Variants in RHEX observed in about 807,000 individuals in gnomAD.
RHEX encodes the protein regulator of hemoglobinization and erythroid cell expansion, also known as regulator of hemoglobinization and erythroid cell expansion protein.
Under a neutral mutation model 20.1 loss-of-function variants are expected in RHEX, and 18 were observed. The observed-to-expected ratio is 0.90, with a 90% CI of 0.62 to 1.33. RHEX has a LOEUF of 1.33. RHEX is among the 40% of genes most tolerant of loss of function. RHEX has a pLI of 0.00. For missense variants in RHEX, 192 were observed against 214.3 expected (o/e 0.90, Z 0.65); for synonymous variants, 87 against 77.1 (o/e 1.13, Z -0.67).
Position 206,067,352 on chromosome 1 carries a change from G to A in RHEX, c.-97+14087G>A, listed in dbSNP as rs1290629550. On this transcript the variant is annotated intron_variant, in intron 1 of 5. Coordinates refer to ENST00000331555, the MANE Select transcript of RHEX (RefSeq NM_001007544.4). This position sits in a 1 kb window ranked among gnomAD's most constrained non-coding sequence, Gnocchi z 4.6. ...CATCCTAGGAGATTTTAGTGGCAAT[G>A]TAGATAGTTCTTCCTAGCTCTGAGC... Among the ~76,000 whole-genome samples, 4 of 152,142 alleles carry A rather than the reference G, an allele frequency of 2.6e-5. No homozygotes were observed. The highest frequency in any genetic ancestry group is 9.7e-5 in the African/African-American group (4 of 41,420).
chr1:206,076,233 C>A (rs1301070243), intron 1 of RHEX, among the ~76,000 whole-genome samples: 2 of 151,930 alleles, frequency 1.3e-5, no homozygotes, highest in Non-Finnish European at 2.9e-5. Context: ...CAGCTCACTG[C>A]AGCCTCAAAC....
At position 206,101,754 on chromosome 1, in the gene RHEX, C is replaced by T. The variant is rs782771050; in HGVS notation, c.321C>T (p.Ala107=). 1 of 1,611,942 alleles carries T rather than the reference C, an allele frequency of 6.2e-7. No individual in the cohort carries two copies. Among genetic ancestry groups the T allele is most frequent in the Admixed American group, 1.7e-5 (1 of 59,898 alleles). ...CATGTCTCTGCTTTTCTCCTAAGGC[C>T]ACAGAGGATGTGGATTACACACAAG... ...SSCSSPPACQ[A]TEDVDYTQVV... The change falls in exon 6 of 6, where the codon GCC becomes GCT. Residue 107 remains alanine (A), a splice_region_variant and synonymous_variant. Transcript: ENST00000331555.
rs554798959 is a variant in RHEX, at chr1:206,101,804, T to C, written c.371T>C (p.Leu124Pro). Reference protein sequence around the residue: ...TQVVFSDPGELKNDSPLDYEN... With the variant: ...TQVVFSDPGEPKNDSPLDYEN... ...GTCGTCTTTTCTGACCCTGGAGAAC[T>C]AAAAAATGACTCCCCGCTGGACTAT... The change falls in exon 6 of 6, where the codon CTA (leucine) becomes CCA (proline). Residue 124 changes from leucine to proline, a missense_variant. By Grantham distance (98) the Leu-to-Pro change is moderately conservative (BLOSUM62 -3). Transcript: ENST00000331555. The C allele has an allele frequency of 6.8e-6, 11 of 1,613,944 alleles. No individual in the cohort carries two copies. In the Admixed American group the frequency reaches 1.8e-4, roughly 27 times the overall value.
intron 1 of RHEX, among the ~76,000 whole-genome samples, chr1:206,075,182 G>A (rs547411938): frequency 1.3e-5 from 2 of 152,364 alleles, no homozygotes; most frequent in South Asian, 2.1e-4. Context: ...GTGTAAGTGT[G>A]TAGCATCTTG....
intron 1 of RHEX, among the ~76,000 whole-genome samples, chr1:206,068,800 CAGAT>C (rs1662476442): frequency 6.6e-6 from 1 of 152,188 alleles, no homozygotes; most frequent in South Asian, 2.1e-4. Flanking sequence ...TGTGAATATC[CAGAT>C]AGTATTCTTC....
rs1258404889 is a variant in RHEX, at chr1:206,101,770, T to G, written c.337T>G (p.Tyr113Asp). 1.2e-6 allele frequency: 2 copies of G among 1,613,452 alleles called. No individual in the cohort carries two copies. Among genetic ancestry groups the G allele is most frequent in the Non-Finnish European group, 1.7e-6 (2 of 1,179,868 alleles). ...TCCTAAGGCCACAGAGGATGTGGAT[T>G]ACACACAAGTCGTCTTTTCTGACCC... ...PACQATEDVDYTQVVFSDPGE... is the reference protein window; with the variant it reads ...PACQATEDVDDTQVVFSDPGE... The change falls in exon 6 of 6, where the codon TAC (tyrosine) becomes GAC (aspartate). Residue 113 changes from tyrosine (Y) to aspartate (D), a missense_variant. Coordinates refer to ENST00000331555, the MANE Select transcript of RHEX (RefSeq NM_001007544.4).
intron 1 of RHEX, among the ~76,000 whole-genome samples, chr1:206,079,672 C>T (rs1662700866): frequency 6.6e-6 from 1 of 152,202 alleles, no homozygotes; most frequent in South Asian, 2.1e-4. Context: ...TCTCCTGCCT[C>T]AGCCTCCTCA....
chr1:206,081,035 A>AT (rs747127395), intron 1 of RHEX, among the ~76,000 whole-genome samples: 1 of 151,492 alleles, frequency 6.6e-6, no homozygotes, highest in Non-Finnish European at 1.5e-5. Context: ...CCTCGTCTCT[A>AT]TATGTATGTT....
chr1:206,082,507 G>T (rs1662758898), intron 1 of RHEX, among the ~76,000 whole-genome samples: 1 of 149,508 alleles, frequency 6.7e-6, no homozygotes. Flanking sequence ...AACAGAGAGA[G>T]ACTCCGTCTC....
intron 1 of RHEX, among the ~76,000 whole-genome samples, chr1:206,093,353 C>T (rs1254460159): frequency 2.0e-5 from 3 of 151,814 alleles, no homozygotes; most frequent in African/African-American, 7.3e-5. Context: ...CTCACTGCAA[C>T]CTCCGCTTCC....
chr1:206,090,267 C>T (rs1235343543), intron 1 of RHEX, among the ~76,000 whole-genome samples: 3 of 142,298 alleles, frequency 2.1e-5, no homozygotes, highest in Non-Finnish European at 4.5e-5. Context: ...AGTGCTGTGG[C>T]ACAATCTCGG....
intron 1 of RHEX, among the ~76,000 whole-genome samples, chr1:206,091,716 G>A (rs1293969072): frequency 6.6e-6 from 1 of 152,218 alleles, no homozygotes; most frequent in Non-Finnish European, 1.5e-5. Flanking sequence ...CCTCATCTAT[G>A]AAGTAGTGGT....
chr1:206,068,460 T>G (rs1553284379), intron 1 of RHEX, among the ~76,000 whole-genome samples: 1 of 151,778 alleles, frequency 6.6e-6, no homozygotes, highest in African/African-American at 2.4e-5. Context: ...GGAAGGAAAA[T>G]TCATGAAGAG....
intron 1 of RHEX, among the ~76,000 whole-genome samples, chr1:206,053,831 C>G (rs115153761): frequency 0.016 from 2,472 of 152,248 alleles, 65 homozygotes; most frequent in African/African-American, 0.055. Flanking sequence ...CCTTGCCCCG[C>G]CAACGTAGTT....
chr1:206,057,869 G>A lies in RHEX; in HGVS notation c.-97+4604G>A, dbSNP rs148982983. 7.7e-4 allele frequency among the ~76,000 whole-genome samples: 118 copies of A among 152,358 alleles called. No individual in the cohort carries two copies. The East Asian group carries it at 0.013, about 17-fold the overall frequency. ...GGAACCCCCATCTACATGCTCAACCGAATCATATGGTTACAAGCTGTTTTA... is the reference window on the plus strand; with the variant it reads ...GGAACCCCCATCTACATGCTCAACCAAATCATATGGTTACAAGCTGTTTTA... On this transcript the variant is annotated intron_variant, in intron 1 of 5. Coordinates refer to ENST00000331555, the MANE Select transcript of RHEX (RefSeq NM_001007544.4).
At chr1:206,074,805 T>C (rs1662600511) in intron 1 of RHEX, among the ~76,000 whole-genome samples, 1 of 152,202 alleles carries the variant, frequency 6.6e-6, no homozygotes, top group South Asian at 2.1e-4. Flanking sequence ...TCAGTCAAAA[T>C]GTAGGCACAG....
intron 1 of RHEX, among the ~76,000 whole-genome samples, chr1:206,084,302 A>C (rs782667873): frequency 4.6e-5 from 7 of 152,218 alleles, no homozygotes; most frequent in Non-Finnish European, 7.3e-5. Flanking sequence ...GGAAAAGCTA[A>C]TAACAGCACA....
chr1:206,066,167 G>A (rs1380868618), intron 1 of RHEX, among the ~76,000 whole-genome samples: 5 of 152,210 alleles, frequency 3.3e-5, no homozygotes, highest in African/African-American at 7.2e-5. Flanking sequence ...CTTTAGAGGC[G>A]TATGCCTCTG....
intron 1 of RHEX, among the ~76,000 whole-genome samples, chr1:206,054,260 T>C (rs1662139847): frequency 6.6e-6 from 1 of 152,194 alleles, no homozygotes; most frequent in Non-Finnish European, 1.5e-5. Context: ...TTGAGACACA[T>C]TGAAGAATTG....
Sources: gnomAD v4.1 joint callset for allele counts (sites outside exome capture counted in the v4.1 genomes callset) on GRCh38, gnomAD v4.1.1 for gene constraint, Gnocchi (gnomAD v3.1) non-coding constraint, MANE v1.5 for transcripts, NCBI Gene and HGNC (gene_info 2026-07-23, HGNC 2026-07-21) for gene names.